The following LMNTD1 variants were observed in gnomAD, a reference collection of about 807,000 sequenced individuals.
LMNTD1 encodes lamin tail domain containing 1, also known as lamin tail domain-containing protein 1.
Under a neutral mutation model 50.9 loss-of-function variants are expected in LMNTD1, and 35 were observed. The observed-to-expected ratio is 0.69, with a 90% CI of 0.53 to 0.91. The LOEUF (loss-of-function observed/expected upper bound fraction) is 0.91, where lower values mean the gene tolerates loss of function less well. Ranked by LOEUF, LMNTD1 falls within the 40% of genes least tolerant of loss-of-function variation. The pLI, the probability that LMNTD1 is intolerant of heterozygous loss-of-function variation, is 0.00. For missense variants in LMNTD1, 470 were observed against 475.5 expected (o/e 0.99, Z 0.11); for synonymous variants, 153 against 161.9 (o/e 0.94, Z 0.42).
chr12:25,581,666 A>G (rs1239955838), intron 1 of LMNTD1, among the ~76,000 whole-genome samples: 1 of 152,220 alleles, frequency 6.6e-6, no homozygotes, highest in African/African-American at 2.4e-5. Context: ...TGATGGGTAT[A>G]TGTTCTAGTT....
chr12:25,642,134 T>C (rs1946969574), intron 1 of LMNTD1, among the ~76,000 whole-genome samples: 1 of 152,114 alleles, frequency 6.6e-6, no homozygotes, highest in African/African-American at 2.4e-5. Context: ...CAAAATAATA[T>C]ATGTTAAAGG....
At chr12:25,619,107 A>G (rs1011273531) in intron 1 of LMNTD1, among the ~76,000 whole-genome samples, 2 of 152,112 alleles carry the variant, frequency 1.3e-5, no homozygotes, top group African/African-American at 4.8e-5. Context: ...CTGTTAAAAA[A>G]ATACTGCAAA....
At chr12:25,596,030 C>T (rs926981438) in intron 1 of LMNTD1, among the ~76,000 whole-genome samples, 9 of 151,960 alleles carry the variant, frequency 5.9e-5, no homozygotes, top group Admixed American at 5.9e-4. Context: ...ACCCTCCTAG[C>T]TTCAATCTGG....
chr12:25,532,943 T>G (rs1371040841), intron 4 of LMNTD1, among the ~76,000 whole-genome samples: 1 of 152,172 alleles, frequency 6.6e-6, no homozygotes, highest in Non-Finnish European at 1.5e-5. Flanking sequence ...ACTTTTGTTT[T>G]TAAACAGATA....
chr12:25,566,259 C>T (rs1055664465), intron 1 of LMNTD1, among the ~76,000 whole-genome samples: 1 of 152,064 alleles, frequency 6.6e-6, no homozygotes, highest in African/African-American at 2.4e-5. Context: ...TTTTCTAGTT[C>T]CTATAAGTGT....
At chr12:25,644,017 A>C (rs2136632254) in intron 1 of LMNTD1, among the ~76,000 whole-genome samples, 1 of 152,348 alleles carries the variant, frequency 6.6e-6, no homozygotes, top group East Asian at 1.9e-4. Flanking sequence ...GAAAGCGTTC[A>C]TCATAAAAGC....
rs555696301 is a variant in LMNTD1 at position 25,626,332 on chromosome 12, A to G, written c.58+22162T>C. On this transcript the variant is annotated intron_variant, in intron 1 of 7. Transcript: ENST00000445693. ...TATCTCTATTTTGTTGTATGTGTGT[A>G]TATATATATACACACACACACACAT... 8.2e-4 allele frequency among the ~76,000 whole-genome samples: 122 copies of G among 149,098 alleles called. 1 individual carries two copies. Among genetic ancestry groups the G allele is most frequent in the African/African-American group, 2.8e-3 (112 of 39,804 alleles).
chr12:25,582,725 T>C (rs548334694), intron 1 of LMNTD1, among the ~76,000 whole-genome samples: 1 of 152,348 alleles, frequency 6.6e-6, no homozygotes, highest in South Asian at 2.1e-4. Context: ...ATAATCATTT[T>C]TATAGTATCT....
rs1285100691 is a variant in LMNTD1, at chr12:25,520,162, A to G, written c.799-87T>C. On this transcript the variant is annotated intron_variant, in intron 6 of 9. Coordinates refer to ENST00000458174, the MANE Select transcript of LMNTD1 (RefSeq NM_001145728.2). ...GAGATATACATATATATATATATAT[A>G]TATATATATATATAGTAAAATGGTT... 1.1e-4 allele frequency: 25 copies of G among 217,670 alleles called. 2 individuals carry two copies. In the East Asian group the frequency reaches 2.1e-3, roughly 19 times the overall value. 13.5% of individuals were successfully genotyped at this position (217,670 alleles called of 1,614,324 possible).
chr12:25,512,441 C>T (rs1940375075), intron 8 of LMNTD1, among the ~76,000 whole-genome samples: 1 of 151,982 alleles, frequency 6.6e-6, no homozygotes. Flanking sequence ...ATAATTAATG[C>T]AAATACGACA....
chr12:25,482,289 C>T (rs1285197716), intron 9 of LMNTD1, among the ~76,000 whole-genome samples: 2 of 151,974 alleles, frequency 1.3e-5, no homozygotes, highest in Non-Finnish European at 2.9e-5. Flanking sequence ...CCCAGAACCA[C>T]ATTAACTTCA....
At chr12:25,566,814 A>C (rs890898985) in intron 1 of LMNTD1, among the ~76,000 whole-genome samples, 2 of 152,242 alleles carry the variant, frequency 1.3e-5, no homozygotes, top group African/African-American at 4.8e-5. Context: ...CAGTTCACCA[A>C]AGGCAGATTA....
At chr12:25,541,312 C>T (rs1041171949) in intron 4 of LMNTD1, among the ~76,000 whole-genome samples, 3 of 140,196 alleles carry the variant, frequency 2.1e-5, no homozygotes, top group Admixed American at 7.6e-5. Context: ...CATCACACTA[C>T]CTGACTTCAA....
intron 1 of LMNTD1, among the ~76,000 whole-genome samples, chr12:25,641,141 T>C (rs1458455071): frequency 6.6e-6 from 1 of 152,098 alleles, no homozygotes; most frequent in Non-Finnish European, 1.5e-5. Context: ...CAGTATGTTT[T>C]GGATGGATGG....
chr12:25,625,907 T>C (rs184542374), intron 1 of LMNTD1, among the ~76,000 whole-genome samples: 1 of 152,320 alleles, frequency 6.6e-6, no homozygotes, highest in Admixed American at 6.5e-5. Flanking sequence ...GTCACAGACT[T>C]GGAGGGGCTT....
At chr12:25,526,370 C>G in intron 5 of LMNTD1, 152 bp from the exon 6 acceptor site, 1 of 693,770 alleles carries the variant, frequency 1.4e-6, no homozygotes, top group South Asian at 3.1e-5. Context: ...CAACACCAAA[C>G]AGCTACTCTA....
chr12:25,527,681 TACACACACAC>T (rs376707066), intron 4 of LMNTD1, among the ~76,000 whole-genome samples: 372 of 31,806 alleles, frequency 0.012, 2 homozygotes, highest in East Asian at 0.046. Flanking sequence ...TATATATATA[TACACACACAC>T]ACACACACAC....
At chr12:25,571,283 T>C (rs1225606852) in intron 1 of LMNTD1, among the ~76,000 whole-genome samples, 1 of 152,208 alleles carries the variant, frequency 6.6e-6, no homozygotes, top group Non-Finnish European at 1.5e-5. Context: ...CTCGTATCAA[T>C]GTGAAATGAT....
intron 1 of LMNTD1, among the ~76,000 whole-genome samples, chr12:25,609,685 A>G (rs1444214633): frequency 2.0e-5 from 3 of 152,174 alleles, no homozygotes; most frequent in Non-Finnish European, 4.4e-5. Flanking sequence ...AGAACAGAAA[A>G]TATTGCTGCC....
Sources: allele counts gnomAD v4.1 joint callset (sites outside exome capture counted in the v4.1 genomes callset), GRCh38; gene constraint gnomAD v4.1.1; transcripts MANE v1.5; gene names NCBI Gene and HGNC (gene_info 2026-07-23, HGNC 2026-07-21).